ADK: variants seen among roughly 807,000 people sequenced by gnomAD.
ADK encodes adenosine kinase.
ADK carries 24 observed loss-of-function variants against 44.7 expected under a neutral mutation model. The observed-to-expected ratio is 0.54, with a 90% confidence interval of 0.39 to 0.76. ADK has a LOEUF of 0.76. ADK is among the 30% of genes least tolerant of loss of function. The pLI, the probability that ADK is intolerant of heterozygous loss-of-function variation, is 0.00. For synonymous variants in ADK, 128 were observed against 142.6 expected, an observed-to-expected ratio of 0.90 and a Z score of 0.73; for missense variants, 321 against 425.1, an observed-to-expected ratio of 0.76 and a Z score of 2.15.
At chr10:74,213,829 A>G (rs530347421) in intron 2 of ADK, among the ~76,000 whole-genome samples, 2 of 152,340 alleles carry the variant, frequency 1.3e-5, no homozygotes, top group South Asian at 4.1e-4. Context: ...TAGCAAATAA[A>G]TGGGAGGTTG....
chr10:74,274,747 T>TATATATATATATAC (rs532758145), intron 3 of ADK, among the ~76,000 whole-genome samples: 3 of 95,306 alleles, frequency 3.1e-5, no homozygotes, highest in African/African-American at 1.1e-4. Context: ...TATATATATA[T>TATATATATATATAC]ACACACACAC....
At chr10:74,547,471 TTTTTA>T (rs1849871225) in intron 7 of ADK, among the ~76,000 whole-genome samples, 1 of 142,456 alleles carries the variant, frequency 7.0e-6, no homozygotes, top group Non-Finnish European at 1.5e-5. Context: ...TATTTATTTA[TTTTTA>T]TTTTATTATT....
chr10:74,379,045 G>A (rs1842900931), intron 4 of ADK, among the ~76,000 whole-genome samples: 3 of 152,088 alleles, frequency 2.0e-5, no homozygotes, highest in Admixed American at 6.6e-5. Flanking sequence ...GGCAATGAGA[G>A]GTAAAGGGAA....
intron 4 of ADK, among the ~76,000 whole-genome samples, chr10:74,335,194 C>G (rs1042131979): frequency 7.9e-5 from 12 of 152,154 alleles, no homozygotes; most frequent in African/African-American, 2.7e-4. Context: ...CTGGCACTTT[C>G]TCCAATTTAG....
chr10:74,420,967 G>A (rs1004060111), intron 6 of ADK, among the ~76,000 whole-genome samples: 4 of 152,156 alleles, frequency 2.6e-5, no homozygotes, highest in African/African-American at 9.7e-5. Context: ...TACTGTGGTG[G>A]TGGATACATG....
intron 4 of ADK, among the ~76,000 whole-genome samples, chr10:74,382,274 T>C (rs1252549345): frequency 6.6e-6 from 1 of 152,136 alleles, no homozygotes; most frequent in Non-Finnish European, 1.5e-5. Context: ...AATTTTTGTA[T>C]TTTTTCTAGA....
chr10:74,404,806 T>C (rs1283049319), intron 6 of ADK, among the ~76,000 whole-genome samples: 1 of 152,160 alleles, frequency 6.6e-6, no homozygotes, highest in African/African-American at 2.4e-5. Flanking sequence ...CTAGGCAACA[T>C]AGTGAGACCC....
chr10:74,405,381 TC>T (rs1256524576), intron 6 of ADK, among the ~76,000 whole-genome samples: 1 of 151,668 alleles, frequency 6.6e-6, no homozygotes, highest in African/African-American at 2.4e-5. Flanking sequence ...TTTTTTTTTT[TC>T]AAATGTGAAA....
At chr10:74,493,523 T>C (rs1316595754) in intron 6 of ADK, among the ~76,000 whole-genome samples, 1 of 151,386 alleles carries the variant, frequency 6.6e-6, no homozygotes, top group Non-Finnish European at 1.5e-5. Context: ...TAGATATAGA[T>C]ATAGATATAG....
At chr10:74,352,067 GAAAC>G (rs1432647905) in intron 4 of ADK, among the ~76,000 whole-genome samples, 3 of 148,624 alleles carry the variant, frequency 2.0e-5, no homozygotes, top group Non-Finnish European at 3.0e-5. Flanking sequence ...AAAAAAAAAA[GAAAC>G]AAACCTTAAA....
At chr10:74,370,113 C>G (rs930481494) in intron 4 of ADK, among the ~76,000 whole-genome samples, 2 of 152,082 alleles carry the variant, frequency 1.3e-5, no homozygotes, top group Non-Finnish European at 2.9e-5. Context: ...AAAAACATTA[C>G]TGAATGAAAA....
intron 4 of ADK, among the ~76,000 whole-genome samples, chr10:74,357,699 C>G (rs773610049): frequency 2.6e-5 from 4 of 151,746 alleles, no homozygotes; most frequent in African/African-American, 9.7e-5. Flanking sequence ...TTACATAGAC[C>G]GATAAAATAA....
chr10:74,231,010 A>G (rs1844740945), intron 3 of ADK, among the ~76,000 whole-genome samples: 1 of 152,124 alleles, frequency 6.6e-6, no homozygotes, highest in Non-Finnish European at 1.5e-5. Flanking sequence ...TAAAGGGATT[A>G]ATATCCATTG....
chr10:74,176,279 G>GT (rs1167176702), intron 1 of ADK, among the ~76,000 whole-genome samples: 1 of 152,168 alleles, frequency 6.6e-6, no homozygotes, highest in Non-Finnish European at 1.5e-5. Flanking sequence ...TCGTGCTGCC[G>GT]TTGCCAGGCA....
chr10:74,377,900 C>G (rs1304261494), intron 4 of ADK, among the ~76,000 whole-genome samples: 1 of 152,138 alleles, frequency 6.6e-6, no homozygotes, highest in African/African-American at 2.4e-5. Flanking sequence ...TAGGTTGGGG[C>G]ACTTAGGATT....
At chr10:74,243,785 C>T (rs928116568) in intron 3 of ADK, among the ~76,000 whole-genome samples, 2 of 152,132 alleles carry the variant, frequency 1.3e-5, no homozygotes, top group Non-Finnish European at 2.9e-5. Context: ...ATCGCTTGAA[C>T]CCAGGAGTCA....
chr10:74,190,712 G>A (rs1037961229), intron 1 of ADK, among the ~76,000 whole-genome samples: 4 of 152,100 alleles, frequency 2.6e-5, no homozygotes, highest in African/African-American at 9.7e-5. Context: ...AATAATAACT[G>A]TACTCTGAAA....
chr10:74,708,382 T>C lies in ADK; in HGVS notation c.1026T>C (p.Tyr342=). Residue 342 remains tyrosine (Y), a synonymous_variant, in exon 11 of 11, where the codon TAT becomes TAC. Transcript: ENST00000539909. ...CTGAATGTATCCGTGCTGGCCACTATGCAGCAAGCATCATAATTAGACGGA... is the reference window on the plus strand; with the variant it reads ...CTGAATGTATCCGTGCTGGCCACTACGCAGCAAGCATCATAATTAGACGGA... The part of the protein sequence containing the change: ...PLTECIRAGH[Y]AASIIIRRTG... The C allele has an allele frequency of 6.2e-7, 1 of 1,612,904 alleles. No homozygotes were observed. Among genetic ancestry groups the C allele is most frequent in the Non-Finnish European group, 8.5e-7 (1 of 1,179,584 alleles).
intron 1 of ADK, among the ~76,000 whole-genome samples, chr10:74,195,568 C>T (rs191566630): frequency 9.1e-4 from 139 of 152,200 alleles, no homozygotes; most frequent in East Asian, 2.7e-3. Context: ...ACTGCAACCT[C>T]GACCTTCCAG....
Sources: allele counts gnomAD v4.1 joint callset (sites outside exome capture counted in the v4.1 genomes callset), GRCh38; gene constraint gnomAD v4.1.1; transcripts MANE v1.5; gene names NCBI Gene and HGNC (gene_info 2026-07-23, HGNC 2026-07-21).